PCDH15: variants seen among roughly 807,000 people sequenced by gnomAD.
PCDH15 encodes the protein protocadherin related 15.
In PCDH15, 129 loss-of-function variants were observed where a neutral mutation model predicts 178.5. That is an observed-to-expected ratio of 0.72 (90% CI 0.63 to 0.84). PCDH15 has a LOEUF of 0.84. PCDH15 is among the 40% of genes least tolerant of loss of function. The pLI, the probability that PCDH15 is intolerant of heterozygous loss-of-function variation, is 0.00. For synonymous variants in PCDH15, 800 were observed against 732.0 expected (o/e 1.09, Z -1.50); for missense variants, 2,230 against 2,099.9 (o/e 1.06, Z -1.21).
chr10:55,106,452 C>A (rs989757960), intron 2 of PCDH15, among the ~76,000 whole-genome samples: 22 of 152,100 alleles, frequency 1.4e-4, no homozygotes, highest in African/African-American at 5.1e-4. Flanking sequence ...TCGCTCTTGT[C>A]GCCCAGGCTG....
intron 26 of PCDH15, among the ~76,000 whole-genome samples, chr10:53,886,376 G>C (rs2081093174): frequency 6.6e-6 from 1 of 151,966 alleles, no homozygotes; most frequent in South Asian, 2.1e-4. Context: ...TTGGAAAACG[G>C]TTAGACTTAA....
chr10:55,574,796 T>G (rs1047362080), intron 2 of PCDH15, among the ~76,000 whole-genome samples: 1 of 152,018 alleles, frequency 6.6e-6, no homozygotes, highest in Non-Finnish European at 1.5e-5. Context: ...GAAAACTCTA[T>G]GAGGGTGGAT....
chr10:54,253,578 G>A (rs934193397), intron 8 of PCDH15, among the ~76,000 whole-genome samples: 3 of 151,970 alleles, frequency 2.0e-5, no homozygotes, highest in Non-Finnish European at 4.4e-5. Flanking sequence ...TTCATTTACA[G>A]AACAAATTCT....
chr10:54,610,916 T>C (rs1365963724), intron 2 of PCDH15, among the ~76,000 whole-genome samples: 1 of 151,844 alleles, frequency 6.6e-6, no homozygotes, highest in East Asian at 1.9e-4. Flanking sequence ...ATTCATATTT[T>C]TATTTTCTTT....
intron 15 of PCDH15, among the ~76,000 whole-genome samples, chr10:54,120,331 A>C (rs942553627): frequency 6.6e-6 from 1 of 152,208 alleles, no homozygotes; most frequent in African/African-American, 2.4e-5. Context: ...CATAGCCCAC[A>C]GACCCTATAA....
intron 2 of PCDH15, among the ~76,000 whole-genome samples, chr10:55,018,163 T>C (rs1840229766): frequency 6.6e-6 from 1 of 152,090 alleles, no homozygotes; most frequent in Non-Finnish European, 1.5e-5. Flanking sequence ...TAGAGGCCAG[T>C]AATATTTTAA....
At chr10:53,824,468 ATAGTT>A (rs1274042413) in intron 32 of PCDH15, among the ~76,000 whole-genome samples, 1 of 152,206 alleles carries the variant, frequency 6.6e-6, no homozygotes, top group Non-Finnish European at 1.5e-5. Flanking sequence ...AATTAGGGTG[ATAGTT>A]TAGGCAACAA....
intron 1 of PCDH15, among the ~76,000 whole-genome samples, chr10:55,230,221 GTTATTAATTTT>G (rs1841172374): frequency 6.6e-6 from 1 of 152,098 alleles, no homozygotes; most frequent in Non-Finnish European, 1.5e-5. Context: ...TTGGAATAGA[GTTATTAATTTT>G]TTTAAATTTC....
intron 2 of PCDH15, among the ~76,000 whole-genome samples, chr10:55,436,431 G>T (rs1270573840): frequency 2.0e-5 from 3 of 152,018 alleles, no homozygotes; most frequent in Non-Finnish European, 4.4e-5. Flanking sequence ...TAAACATTAT[G>T]ACATATAAGT....
chr10:55,619,685 T>A (rs1030392857), intron 2 of PCDH15, among the ~76,000 whole-genome samples: 5 of 152,058 alleles, frequency 3.3e-5, no homozygotes, highest in African/African-American at 1.2e-4. Context: ...AATATCTAAA[T>A]TCTCTAGCTT....
At chr10:55,045,428 T>C (rs1432347385) in intron 2 of PCDH15, among the ~76,000 whole-genome samples, 1 of 152,112 alleles carries the variant, frequency 6.6e-6, no homozygotes, top group Non-Finnish European at 1.5e-5. Context: ...TCCTAAGTAC[T>C]ATAATAAAGC....
At chr10:55,530,743 C>T (rs1203035316) in intron 2 of PCDH15, among the ~76,000 whole-genome samples, 2 of 151,870 alleles carry the variant, frequency 1.3e-5, no homozygotes, top group Admixed American at 1.3e-4. Context: ...TGTGGCCTAT[C>T]TCTGGAAAAT....
intron 2 of PCDH15, among the ~76,000 whole-genome samples, chr10:55,137,806 T>C (rs1057239196): frequency 1.3e-5 from 2 of 152,088 alleles, no homozygotes; most frequent in Non-Finnish European, 2.9e-5. Flanking sequence ...GAAAATGAGA[T>C]AACTACAGGA....
chr10:54,172,844 G>A (rs570267991), intron 13 of PCDH15, among the ~76,000 whole-genome samples: 12 of 152,036 alleles, frequency 7.9e-5, no homozygotes, highest in East Asian at 1.9e-4. Context: ...TATTGAAACC[G>A]GACCATGAAA....
At chr10:54,666,925 C>A (rs954635692) in intron 1 of PCDH15, among the ~76,000 whole-genome samples, 1 of 151,884 alleles carries the variant, frequency 6.6e-6, no homozygotes, top group Non-Finnish European at 1.5e-5. Flanking sequence ...AATATAAAAA[C>A]AACATGATGG....
At chr10:54,853,314 TATATACATAC>T (rs1953669342) in intron 3 of PCDH15, among the ~76,000 whole-genome samples, 1 of 129,110 alleles carries the variant, frequency 7.7e-6, no homozygotes, top group Non-Finnish European at 1.6e-5. Context: ...TATATATATA[TATATACATAC>T]ACACACATAT....
At chr10:55,180,949 CAT>C in intron 1 of PCDH15, among the ~76,000 whole-genome samples, 1 of 151,868 alleles carries the variant, frequency 6.6e-6, no homozygotes, top group East Asian at 1.9e-4. Flanking sequence ...AGAAAAAAAA[CAT>C]ATTTTTTTAA....
intron 2 of PCDH15, among the ~76,000 whole-genome samples, chr10:55,621,863 G>A (rs1837398818): frequency 6.6e-6 from 1 of 150,390 alleles, no homozygotes; most frequent in African/African-American, 2.4e-5. Context: ...TGTATATGTG[G>A]ACATATATAC....
rs114557841 is a variant in PCDH15, at chr10:55,288,987, T to C, written c.-156+30612A>G. ...ATATCCAGGGCTTTTTGGTCAGCTA[T>C]TTAAATTTTATAATTTGCTATCATT... On this transcript the variant is annotated intron_variant, in intron 1 of 5. Coordinates refer to the PCDH15 transcript ENST00000458638. Among the ~76,000 whole-genome samples, 1,221 of 152,088 alleles carry C rather than the reference T, an allele frequency of 8.0e-3. 16 individuals are homozygous for C. Among genetic ancestry groups the C allele is most frequent in the African/African-American group, 0.028 (1,144 of 41,532 alleles).
Sources: gnomAD v4.1 joint callset for allele counts (sites outside exome capture counted in the v4.1 genomes callset) on GRCh38, gnomAD v4.1.1 for gene constraint, MANE v1.5 for transcripts, NCBI Gene and HGNC (gene_info 2026-07-23, HGNC 2026-07-21) for gene names.